DPH6: variants seen among roughly 807,000 people sequenced by gnomAD.
DPH6 encodes diphthamine biosynthesis 6, also known as diphthine--ammonia ligase.
In DPH6, 33 loss-of-function variants were observed where a neutral mutation model predicts 38.2. That is an observed-to-expected ratio of 0.86 (90% CI 0.65 to 1.15). The LOEUF (loss-of-function observed/expected upper bound fraction) is 1.15. Among genes scored for constraint, DPH6 ranks in the 50% most tolerant of loss-of-function variants. The pLI is 0.00. For synonymous variants in DPH6, 108 were observed against 103.0 expected (o/e 1.05, Z -0.30); for missense variants, 325 against 320.0 (o/e 1.02, Z -0.12).
rs899232603 is a variant in DPH6 at position 35,335,206 on chromosome 15, G to C, written n.208-4129C>G. On this transcript the variant is annotated intron_variant and non_coding_transcript_variant, in intron 3 of 3. Transcript: ENST00000558973. ...GTTGGCTGCATGTATGCCTTCTTTT[G>C]GTATGGGTCTGTTCATGTCCTTTGC... Among the ~76,000 whole-genome samples the C allele has an allele frequency of 2.6e-5, 4 of 151,996 alleles. No homozygotes were observed. The South Asian group carries it at 8.3e-4, about 32-fold the overall frequency.
At position 35,427,591 on chromosome 15, in the gene DPH6, T is replaced by A. The variant is rs72705105; in HGVS notation, c.506-16695A>T. Among the ~76,000 whole-genome samples, 255 of 152,024 alleles carry A rather than the reference T, an allele frequency of 1.7e-3. 1 individual carries two copies. The highest frequency in any genetic ancestry group is 4.2e-3 in the East Asian group (22 of 5,180). ...CTTCAACATCAGGATAAGGTTAACC[T>A]GCTAAGGTCAAATTGCCCACTGAGT... is the stretch of plus-strand genomic sequence containing the variant. On this transcript the variant is annotated intron_variant, in intron 5 of 8. Coordinates refer to ENST00000256538, the MANE Select transcript of DPH6 (RefSeq NM_080650.4).
At chr15:35,542,967 A>T (rs867892729) in intron 1 of DPH6, among the ~76,000 whole-genome samples, 2 of 15,576 alleles carry the variant, frequency 1.3e-4, no homozygotes, top group Non-Finnish European at 1.4e-4. Flanking sequence ...TATATATATA[A>T]AATAATTTCA....
chr15:35,269,078 A>G (rs1241123960), intron 3 of DPH6, among the ~76,000 whole-genome samples: 1 of 152,216 alleles, frequency 6.6e-6, no homozygotes, highest in Admixed American at 6.5e-5. Context: ...TTCTGCTGCT[A>G]TTCAGACTTA....
intron 3 of DPH6, chr15:35,238,117 T>C (rs2051568902): frequency 7.8e-7 from 1 of 1,280,812 alleles, no homozygotes; most frequent in East Asian, 2.4e-5. Context: ...TTTTTACCCA[T>C]ATCCCCTCCC....
At chr15:35,423,171 C>T (rs1012701453) in intron 5 of DPH6, among the ~76,000 whole-genome samples, 3 of 151,816 alleles carry the variant, frequency 2.0e-5, no homozygotes, top group African/African-American at 7.2e-5. Flanking sequence ...AATTTACATT[C>T]CCACCAACAG....
the DPH6 span, among the ~76,000 whole-genome samples, chr15:35,201,927 G>T: frequency 6.6e-6 from 1 of 151,676 alleles, no homozygotes. Flanking sequence ...AACTGTACTA[G>T]AAAAAGTCTG....
downstream of DPH6, among the ~76,000 whole-genome samples, chr15:35,369,757 T>C (rs746081576): frequency 6.6e-6 from 1 of 151,762 alleles, no homozygotes; most frequent in African/African-American, 2.4e-5. Flanking sequence ...CAAAGAGATA[T>C]TGCATGTTCA....
chr15:35,461,306 C>T (rs1245332324), intron 3 of DPH6, among the ~76,000 whole-genome samples: 1 of 152,170 alleles, frequency 6.6e-6, no homozygotes, highest in African/African-American at 2.4e-5. Flanking sequence ...AACTCCAGAC[C>T]TTGTGATCCT....
At chr15:35,193,593 T>A in the DPH6 span, among the ~76,000 whole-genome samples, 1 of 152,102 alleles carries the variant, frequency 6.6e-6, no homozygotes, top group African/African-American at 2.4e-5. Flanking sequence ...TTCAATAAGG[T>A]CCCTTTCAAG....
intron 5 of DPH6, among the ~76,000 whole-genome samples, chr15:35,447,424 A>G (rs1454083938): frequency 1.3e-5 from 2 of 151,800 alleles, no homozygotes; most frequent in Admixed American, 6.6e-5. Flanking sequence ...ATGCCTTTCT[A>G]TCTCTTATAC....
the DPH6 span, among the ~76,000 whole-genome samples, chr15:35,158,546 T>A: frequency 6.6e-6 from 1 of 152,074 alleles, no homozygotes; most frequent in Admixed American, 6.6e-5. Context: ...TATGCTGTTA[T>A]ATATTATATA....
chr15:35,301,246 T>C (rs535102211), intron 3 of DPH6, among the ~76,000 whole-genome samples: 26 of 152,302 alleles, frequency 1.7e-4, no homozygotes, highest in Non-Finnish European at 3.2e-4. Context: ...CCAGGACACT[T>C]ATGAAAGTGA....
the DPH6 span, among the ~76,000 whole-genome samples, chr15:35,206,248 G>T: frequency 6.6e-6 from 1 of 152,096 alleles, no homozygotes; most frequent in African/African-American, 2.4e-5. Flanking sequence ...CATTTTGGAG[G>T]CTGGTACATT....
intron 6 of DPH6, among the ~76,000 whole-genome samples, chr15:35,406,451 T>C (rs193251916): frequency 6.6e-6 from 1 of 152,124 alleles, no homozygotes; most frequent in East Asian, 1.9e-4. Flanking sequence ...TTGCATTTCA[T>C]ATATATCATG....
chr15:35,283,047 CCTT>C lies in DPH6; in HGVS notation n.201-62468_201-62466del, dbSNP rs550503966. ...CTTCTTCCTTCTTCTTCTTCTTCTTCCTTCTTCTTCCTTCTTCTTCTTCCTCTT... is the reference window on the plus strand; with the variant it reads ...CTTCTTCCTTCTTCTTCTTCTTCTTCCTTCTTCCTTCTTCTTCTTCCTCTT... On this transcript the variant is annotated intron_variant and non_coding_transcript_variant, in intron 3 of 3. Transcript: ENST00000560386. 552 of 169,934 alleles carry C rather than the reference CCTT, an allele frequency of 3.2e-3. 5 individuals are homozygous for C. The highest frequency in any genetic ancestry group is 0.014 in the African/African-American group (531 of 37,824). 10.5% of individuals were successfully genotyped at this position (169,934 alleles called of 1,614,324 possible).
At chr15:35,167,057 A>G in the DPH6 span, among the ~76,000 whole-genome samples, 1 of 152,054 alleles carries the variant, frequency 6.6e-6, no homozygotes, top group Non-Finnish European at 1.5e-5. Context: ...CTGCCTCACT[A>G]TATACCCAGA....
At chr15:35,454,631 A>G (rs985095656) in intron 4 of DPH6, 116 bp downstream of exon 4, 2 of 809,866 alleles carry the variant, frequency 2.5e-6, no homozygotes, top group Admixed American at 3.1e-5. Context: ...ATTTAGTTCC[A>G]TGGAGCACGT....
In DPH6 at chr15:35,381,867, T is replaced by C; in HGVS notation, c.617A>G (p.Glu206Gly). 1 of 1,613,798 alleles carries C rather than the reference T, an allele frequency of 6.2e-7. No individual in the cohort carries two copies. Among genetic ancestry groups the C allele is most frequent in the Non-Finnish European group, 8.5e-7 (1 of 1,179,792 alleles). ...TAGAGGGCAATCCAAAGTGAAAGTT[T>C]CATACTCTCCACCTTCTCCACAAAC... is the stretch of plus-strand genomic sequence containing the variant. ...VHVCGEGGEY[E>G]TFTLDCPLFK... Residue 206 changes from glutamate (E) to glycine (G), a missense_variant, in exon 7 of 9, where the codon GAA becomes GGA. Physicochemically the swap from Glu to Gly is moderately conservative, Grantham distance 98. Transcript: ENST00000256538.
downstream of DPH6, among the ~76,000 whole-genome samples, chr15:35,215,448 G>A (rs796655142): frequency 3.9e-5 from 6 of 152,242 alleles, no homozygotes; most frequent in African/African-American, 1.4e-4. Flanking sequence ...GGGTACAGTG[G>A]TGTGATCACT....
Sources: gnomAD v4.1 joint callset for allele counts (sites outside exome capture counted in the v4.1 genomes callset) on GRCh38, gnomAD v4.1.1 for gene constraint, MANE v1.5 for transcripts, NCBI Gene and HGNC (gene_info 2026-07-23, HGNC 2026-07-21) for gene names.